Variants in PARP4 observed in about 807,000 individuals in gnomAD.
PARP4 encodes poly(ADP-ribose) polymerase family member 4.
PARP4 carries 120 observed loss-of-function variants against 187.7 expected under a neutral mutation model. That is an observed-to-expected ratio of 0.64 (90% CI 0.55 to 0.74). The LOEUF is 0.74. Ranked by LOEUF, PARP4 falls within the 30% of genes least tolerant of loss-of-function variation. The pLI is 0.00. For synonymous variants in PARP4, 654 were observed against 740.9 expected, an observed-to-expected ratio of 0.88 and a Z score of 1.90; for missense variants, 1,836 against 2,070.5, an observed-to-expected ratio of 0.89 and a Z score of 2.20.
At chr13:24,500,907 G>C (rs1261071065) in intron 3 of PARP4, among the ~76,000 whole-genome samples, 1 of 152,202 alleles carries the variant, frequency 6.6e-6, no homozygotes, top group Non-Finnish European at 1.5e-5. Context: ...AGGATCATCA[G>C]TGTATTTGTA....
rs986957838 is a variant in PARP4, at chr13:24,447,349, AATTTT to A, written c.3115-168_3115-164del. ...ACTTTCCCGAAAATAGTTTAAACAGAATTTTATTTTATTTTATTTATTTTATTTTG... is the reference window on the plus strand; with the variant it reads ...ACTTTCCCGAAAATAGTTTAAACAGAATTTTATTTTATTTATTTTATTTTG... On this transcript the variant is annotated intron_variant, in intron 25 of 33. Coordinates refer to ENST00000381989, the MANE Select transcript of PARP4 (RefSeq NM_006437.4). Among the ~76,000 whole-genome samples the A allele has an allele frequency of 3.3e-5, 5 of 152,246 alleles. 1 individual carries two copies. Among genetic ancestry groups the A allele is most frequent in the Admixed American group, 3.3e-4 (5 of 15,294 alleles).
chr13:24,493,547 A>G (rs757892623), intron 8 of PARP4, 49 bp downstream of exon 8: 1 of 1,573,010 alleles, frequency 6.4e-7, no homozygotes, highest in Non-Finnish European at 8.6e-7. Context: ...AAGCCAATCA[A>G]CCAGGAGGCA....
chr13:24,458,436 G>T (rs1872004125), intron 20 of PARP4, among the ~76,000 whole-genome samples: 1 of 151,652 alleles, frequency 6.6e-6, no homozygotes, highest in South Asian at 2.1e-4. Flanking sequence ...AATTAGCCAG[G>T]TGTGCTGGCA....
intron 1 of PARP4, among the ~76,000 whole-genome samples, chr13:24,508,478 T>C (rs988313713): frequency 1.3e-5 from 2 of 152,114 alleles, no homozygotes; most frequent in African/African-American, 4.8e-5. Flanking sequence ...TAGCATCTTG[T>C]TTTGCATTTT....
intron 23 of PARP4, 120 bp from the exon 24 acceptor site, chr13:24,452,713 C>G (rs1213878433): frequency 2.7e-6 from 2 of 729,658 alleles, no homozygotes; most frequent in African/African-American, 1.8e-5. Context: ...TATTTTCTTT[C>G]CCTAATTTGT....
chr13:24,437,187 T>C (rs565441733), intron 30 of PARP4, among the ~76,000 whole-genome samples: 27 of 152,224 alleles, frequency 1.8e-4, no homozygotes, highest in Admixed American at 9.8e-4. Flanking sequence ...GTTGGTTCCA[T>C]ATCTCTTATC....
intron 22 of PARP4, among the ~76,000 whole-genome samples, chr13:24,454,719 G>T (rs962545932): frequency 1.3e-5 from 2 of 152,040 alleles, no homozygotes; most frequent in Non-Finnish European, 2.9e-5. Flanking sequence ...ACATACATTA[G>T]CTCAATCCTC....
intron 25 of PARP4, among the ~76,000 whole-genome samples, chr13:24,449,344 C>T (rs1412761264): frequency 2.9e-5 from 4 of 138,500 alleles, no homozygotes; most frequent in Admixed American, 8.1e-5. Context: ...GCCGAGATGG[C>T]GCCACTGCAC....
intron 17 of PARP4, among the ~76,000 whole-genome samples, 186 bp from the exon 18 acceptor site, chr13:24,460,322 T>C (rs1467496213): frequency 6.6e-6 from 1 of 152,196 alleles, no homozygotes; most frequent in Non-Finnish European, 1.5e-5. Context: ...TCACCAGTGG[T>C]GGGAACAGGG....
intron 1 of PARP4, among the ~76,000 whole-genome samples, chr13:24,506,472 T>C (rs1307702214): frequency 6.6e-6 from 1 of 152,190 alleles, no homozygotes; most frequent in East Asian, 1.9e-4. Context: ...CACATCCTGC[T>C]GATTGGTTCA....
intron 15 of PARP4, among the ~76,000 whole-genome samples, chr13:24,473,611 T>C (rs532771434): frequency 6.6e-6 from 1 of 152,276 alleles, no homozygotes; most frequent in East Asian, 1.9e-4. Flanking sequence ...TTCTTGCATC[T>C]TAAAATGAGA....
chr13:24,487,073 A>T (rs1451137773), intron 10 of PARP4, among the ~76,000 whole-genome samples: 1 of 150,188 alleles, frequency 6.7e-6, no homozygotes, highest in Non-Finnish European at 1.5e-5. Context: ...CATCCTAGCC[A>T]ACATGGTGAA....
chr13:24,506,101 T>A (rs550993193), intron 1 of PARP4, among the ~76,000 whole-genome samples: 105 of 152,310 alleles, frequency 6.9e-4, no homozygotes, highest in African/African-American at 2.4e-3. Context: ...GCCTGGACCC[T>A]CGTGGTGAGT....
chr13:24,499,511 T>G, intron 4 of PARP4, 135 bp from the exon 5 acceptor site: 1 of 680,422 alleles, frequency 1.5e-6, no homozygotes, highest in Non-Finnish European at 2.3e-6. Flanking sequence ...TAAGTCCACA[T>G]GGTAAGTCCC....
chr13:24,481,699 GAAAAA>G (rs201381489), intron 12 of PARP4, among the ~76,000 whole-genome samples: 1 of 151,782 alleles, frequency 6.6e-6, no homozygotes, highest in African/African-American at 2.4e-5. Context: ...TCTCAAAAAA[GAAAAA>G]AAGAAAGAAA....
Position 24,484,678 on chromosome 13 carries a change from C to T in PARP4, c.1423G>A (p.Gly475Arg). The T allele has an allele frequency of 6.2e-7, 1 of 1,611,238 alleles. No individual in the cohort carries two copies. Among genetic ancestry groups the T allele is most frequent in the Non-Finnish European group, 8.5e-7 (1 of 1,177,340 alleles). The change falls in exon 12 of 34, where the codon GGG becomes AGG. Residue 475 changes from glycine to arginine, a missense_variant. Physicochemically the swap from Gly to Arg is moderately radical, Grantham distance 125. Transcript: ENST00000381989. ...QRTDVGNLGS[G>R]IYFSDSLSTS... is the part of the protein sequence containing the mutation. ...CTGAGCGAATCACTGAAATAAATCC[C>T]ACTTCCAAGGTTTCCGACGTCTGTT...
rs1470237800 is a variant in PARP4 at position 24,453,620 on chromosome 13, G to A, written c.2793C>T (p.Ile931=). ...ACTCTGCTGCCATGGTATTGCTTGT[G>A]ATATGCTTAGGATACGAAAATAGCT... The part of the protein sequence containing the change: ...YKELFSYPKH[I]TSNTMAAEFI... Residue 931 remains isoleucine, a synonymous_variant, in exon 23 of 34, where the codon ATC becomes ATT. Coordinates refer to ENST00000381989, the MANE Select transcript of PARP4 (RefSeq NM_006437.4). 6.2e-7 allele frequency: 1 copy of A among 1,607,018 alleles called. No individual in the cohort carries two copies. Among genetic ancestry groups the A allele is most frequent in the Admixed American group, 1.7e-5 (1 of 60,006 alleles).
chr13:24,435,632 C>T (rs1870597060), intron 30 of PARP4, among the ~76,000 whole-genome samples, 158 bp from the exon 31 acceptor site: 1 of 152,178 alleles, frequency 6.6e-6, no homozygotes, highest in Non-Finnish European at 1.5e-5. Context: ...AAAATAACAC[C>T]AGTGCTGCGT....
intron 17 of PARP4, among the ~76,000 whole-genome samples, chr13:24,464,884 C>T (rs924020284): frequency 6.6e-6 from 1 of 151,908 alleles, no homozygotes; most frequent in African/African-American, 2.4e-5. Context: ...AAAATTTTTG[C>T]AATCTATCCA....
Sources: gnomAD v4.1 joint callset for allele counts (sites outside exome capture counted in the v4.1 genomes callset) on GRCh38, gnomAD v4.1.1 for gene constraint, MANE v1.5 for transcripts, NCBI Gene and HGNC (gene_info 2026-07-23, HGNC 2026-07-21) for gene names.